The following PSD3 variants were observed in gnomAD, a reference collection of about 807,000 sequenced individuals.
PSD3 encodes PH and SEC7 domain-containing protein 3.
Under a neutral mutation model 105.5 loss-of-function variants are expected in PSD3, and 49 were observed. The ratio of observed to expected loss-of-function variants is 0.46; its 90% CI spans 0.37 to 0.59. The LOEUF is 0.59. Among genes scored for constraint, PSD3 ranks in the 20% least tolerant of loss-of-function variants. PSD3 has a pLI of 0.00. For missense variants in PSD3, 1,561 were observed against 1,263.8 expected (o/e 1.24, Z -3.57); for synonymous variants, 557 against 457.8 (o/e 1.22, Z -2.77).
chr8:19,080,875 A>G (rs1205644571), intron 1 of PSD3, among the ~76,000 whole-genome samples: 1 of 152,216 alleles, frequency 6.6e-6, no homozygotes, highest in East Asian at 1.9e-4. Flanking sequence ...ACCAAAAGTC[A>G]CTGCCATTTT....
chr8:18,832,369 G>T (rs1175032758), intron 4 of PSD3, among the ~76,000 whole-genome samples: 1 of 151,960 alleles, frequency 6.6e-6, no homozygotes, highest in Non-Finnish European at 1.5e-5. Flanking sequence ...TAAACAGAAG[G>T]CAGGCTTTCC....
intron 4 of PSD3, among the ~76,000 whole-genome samples, chr8:18,843,764 G>T (rs964439503): frequency 2.0e-5 from 3 of 152,128 alleles, no homozygotes; most frequent in African/African-American, 4.8e-5. Flanking sequence ...ACTGATGATG[G>T]TGGTGATGGT....
chr8:18,701,943 G>A (rs1248155080), intron 9 of PSD3, among the ~76,000 whole-genome samples: 1 of 152,094 alleles, frequency 6.6e-6, no homozygotes, highest in Non-Finnish European at 1.5e-5. Flanking sequence ...TACGGCTCTT[G>A]GGATTTTTGC....
chr8:18,951,623 A>T (rs1209042899), intron 1 of PSD3, among the ~76,000 whole-genome samples: 2 of 152,168 alleles, frequency 1.3e-5, no homozygotes, highest in East Asian at 3.9e-4. Context: ...ATGGCTTCAA[A>T]TTTGTGCAAT....
chr8:18,942,493 G>T (rs1316310940), intron 1 of PSD3, among the ~76,000 whole-genome samples: 2 of 152,174 alleles, frequency 1.3e-5, no homozygotes, highest in East Asian at 1.9e-4. Flanking sequence ...GTCCCCCCAA[G>T]ATTTATATGT....
chr8:18,558,530 C>T (rs575457437), intron 14 of PSD3, among the ~76,000 whole-genome samples: 1 of 152,212 alleles, frequency 6.6e-6, no homozygotes, highest in African/African-American at 2.4e-5. Context: ...CATAAAAATA[C>T]AGAAGTGTAG....
rs80340511 is a variant in PSD3, at chr8:18,743,703, C to A, written c.2172+21746G>T. Reference sequence around the variant, plus strand: ...AAGTGGAAGTTCCTATTTGGGAGGCCGAGGGGGAAGATTACTTGAGGCCAG... The same window carrying A: ...AAGTGGAAGTTCCTATTTGGGAGGCAGAGGGGGAAGATTACTTGAGGCCAG... On this transcript the variant is annotated intron_variant, in intron 9 of 15. Transcript: ENST00000327040. 7.3e-5 allele frequency among the ~76,000 whole-genome samples: 11 copies of A among 150,338 alleles called. No homozygotes were observed. The South Asian group carries it at 2.3e-3, about 32-fold the overall frequency.
chr8:18,550,877 G>C (rs1800726080), intron 15 of PSD3, among the ~76,000 whole-genome samples: 1 of 152,152 alleles, frequency 6.6e-6, no homozygotes, highest in Non-Finnish European at 1.5e-5. Context: ...AATCACCTCT[G>C]TCATGTCTTC....
chr8:18,667,365 G>C (rs939035247), intron 9 of PSD3, among the ~76,000 whole-genome samples: 8 of 152,148 alleles, frequency 5.3e-5, no homozygotes, highest in Non-Finnish European at 8.8e-5. Context: ...CCCTGAGCTA[G>C]ACACAAAGTG....
chr8:18,860,234 C>T (rs1228331120), intron 4 of PSD3, among the ~76,000 whole-genome samples: 1 of 151,990 alleles, frequency 6.6e-6, no homozygotes, highest in Non-Finnish European at 1.5e-5. Context: ...AGGTTTGCCA[C>T]GTTATATGGG....
At chr8:18,596,862 C>T (rs1193111132) in intron 12 of PSD3, among the ~76,000 whole-genome samples, 5 of 152,094 alleles carry the variant, frequency 3.3e-5, no homozygotes, top group African/African-American at 1.2e-4. Context: ...AGTTTAGGAG[C>T]AGATGGCTTC....
chr8:18,581,263 G>A (rs949211950), intron 12 of PSD3, among the ~76,000 whole-genome samples: 1 of 152,074 alleles, frequency 6.6e-6, no homozygotes, highest in African/African-American at 2.4e-5. Context: ...AAGCACATAT[G>A]AACTATTAGT....
intron 10 of PSD3, among the ~76,000 whole-genome samples, chr8:18,649,415 T>C (rs1168224846): frequency 2.0e-5 from 3 of 152,242 alleles, no homozygotes; most frequent in Non-Finnish European, 4.4e-5. Context: ...AGCCCCTTTC[T>C]TTTGGCTGCT....
At chr8:18,826,917 T>C (rs1438353081) in intron 4 of PSD3, among the ~76,000 whole-genome samples, 1 of 152,166 alleles carries the variant, frequency 6.6e-6, no homozygotes, top group Non-Finnish European at 1.5e-5. Context: ...GGTATGATAA[T>C]ATTATCAGCT....
intron 2 of PSD3, among the ~76,000 whole-genome samples, chr8:18,918,899 G>A (rs1048583366): frequency 6.6e-6 from 1 of 152,022 alleles, no homozygotes; most frequent in South Asian, 2.1e-4. Flanking sequence ...GTTCAGACCC[G>A]GGGAAGACTA....
intron 4 of PSD3, among the ~76,000 whole-genome samples, chr8:18,833,768 AAATT>A (rs1345451560): frequency 3.3e-5 from 5 of 152,240 alleles, no homozygotes; most frequent in African/African-American, 1.2e-4. Context: ...CTAGCACAAT[AAATT>A]GAGAAAAAGA....
At position 18,531,859 on chromosome 8, in the gene PSD3, C is replaced by T. The variant is rs1477471141; in HGVS notation, c.*3884G>A. 6.6e-6 allele frequency: 1 copy of T among 152,182 alleles called. No homozygotes were observed. Among genetic ancestry groups the T allele is most frequent in the African/African-American group, 2.4e-5 (1 of 41,450 alleles). 9.4% of individuals were successfully genotyped at this position (152,182 alleles called of 1,614,324 possible). ...ATTTGAAAAGTCAAGGGATGACTCA[C>T]TGCTGAAATGAAGAGAGGTGGCTCC... On this transcript the variant is annotated 3_prime_UTR_variant, in exon 16 of 16. Coordinates refer to ENST00000327040, the MANE Select transcript of PSD3 (RefSeq NM_015310.4).
At chr8:18,882,583 C>G (rs934598814) in intron 2 of PSD3, among the ~76,000 whole-genome samples, 2 of 152,102 alleles carry the variant, frequency 1.3e-5, no homozygotes, top group African/African-American at 4.8e-5. Context: ...TCAGCCTATT[C>G]TAGAATTCAG....
At chr8:18,851,487 A>G (rs1369669192) in intron 4 of PSD3, among the ~76,000 whole-genome samples, 1 of 152,244 alleles carries the variant, frequency 6.6e-6, no homozygotes, top group Non-Finnish European at 1.5e-5. Flanking sequence ...AGGATTCCAG[A>G]GTGGATTCAG....
Sources: gnomAD v4.1 joint callset for allele counts (sites outside exome capture counted in the v4.1 genomes callset) on GRCh38, gnomAD v4.1.1 for gene constraint, MANE v1.5 for transcripts, NCBI Gene and HGNC (gene_info 2026-07-23, HGNC 2026-07-21) for gene names.